Variants in PKD1L3 observed in about 807,000 individuals in gnomAD.
PKD1L3 encodes polycystin 1 like 3, transient receptor potential channel interacting.
In PKD1L3, 239 loss-of-function variants were observed where a neutral mutation model predicts 184.1. The observed-to-expected ratio is 1.30, with a 90% CI of 1.17 to 1.45. The LOEUF (loss-of-function observed/expected upper bound fraction) is 1.45. PKD1L3 is among the 40% of genes most tolerant of loss of function. The pLI is 0.00. For missense variants in PKD1L3, 2,660 were observed against 2,067.2 expected, an observed-to-expected ratio of 1.29 and a Z score of -5.56; for synonymous variants, 996 against 778.8, an observed-to-expected ratio of 1.28 and a Z score of -4.64.
rs2037883057 is a variant in PKD1L3 at position 71,930,137 on chromosome 16, CTG to C, written c.4971_4972del (p.Ser1658CysfsTer10). 1 of 1,551,468 alleles carries C rather than the reference CTG, an allele frequency of 6.4e-7. No homozygotes were observed. The highest frequency in any genetic ancestry group is 8.7e-7 in the Non-Finnish European group (1 of 1,146,900). ...TACCACAAGTACCATCAAGATGACA[CTG>C]GTGAGGATCAGAAAGGTGCCCAGGA... On this transcript the variant is annotated frameshift_variant, in exon 29 of 30. Coordinates refer to ENST00000620267, the MANE Select transcript of PKD1L3 (RefSeq NM_181536.2). LOFTEE classifies it high-confidence loss of function.
At chr16:71,988,599 AG>A (rs1049939407) in intron 4 of PKD1L3, among the ~76,000 whole-genome samples, 130 of 152,330 alleles carry the variant, frequency 8.5e-4, no homozygotes, top group African/African-American at 2.9e-3. Context: ...AAGACTGCAA[AG>A]TCCTATAGTC....
Position 71,978,542 on chromosome 16 carries a change from C to CTTT in PKD1L3, c.1399-162_1399-160dup, listed in dbSNP as rs11329882. ...ATATACATACATACATACATACATA[C>CTTT]TTTTTTTTTTTTTTTGAGAAAGAGT... On this transcript the variant is annotated intron_variant, in intron 9 of 29. Coordinates refer to ENST00000620267, the MANE Select transcript of PKD1L3 (RefSeq NM_181536.2). Among the ~76,000 whole-genome samples, 393 of 57,790 alleles carry CTTT rather than the reference C, an allele frequency of 6.8e-3. 4 individuals are homozygous for CTTT. Among genetic ancestry groups the CTTT allele is most frequent in the Middle Eastern group, 7.9e-3 (1 of 126 alleles). The allele number at this position is 57,790 out of a possible 152,430, so 37.9% of individuals were successfully genotyped here.
intron 11 of PKD1L3, among the ~76,000 whole-genome samples, chr16:71,974,639 G>A (rs903252142): frequency 6.6e-5 from 10 of 152,048 alleles, no homozygotes; most frequent in Admixed American, 2.0e-4. Flanking sequence ...AGTGGAGATC[G>A]CACCACTGCG....
chr16:71,967,232 C>G lies in PKD1L3; in HGVS notation c.2370G>C (p.Gly790=), dbSNP rs1194061486. 1 of 1,551,526 alleles carries G rather than the reference C, an allele frequency of 6.4e-7. No homozygotes were observed. Among genetic ancestry groups the G allele is most frequent in the Non-Finnish European group, 8.7e-7 (1 of 1,146,964 alleles). Reference sequence around the variant, plus strand: ...TGGTGAGAAGGAAGACATCCAGGCCCCCTCGTTCAAAGACTGTCTTCTGGG... The same window carrying G: ...TGGTGAGAAGGAAGACATCCAGGCCGCCTCGTTCAAAGACTGTCTTCTGGG... The part of the protein sequence containing the change: ...CDPQKTVFER[G]GLDVFLLTTW... The change falls in exon 15 of 30, where the codon GGG becomes GGC. Residue 790 remains glycine, a synonymous_variant. Transcript: ENST00000620267.
chr16:71,980,336 G>T lies in PKD1L3; in HGVS notation c.1144-202C>A, dbSNP rs189324599. On this transcript the variant is annotated intron_variant, in intron 7 of 29. Coordinates refer to ENST00000620267, the MANE Select transcript of PKD1L3 (RefSeq NM_181536.2). ...AGCATCCTTTGAACCAAACTAAGAG[G>T]GCTGGCCAAGGAAATATGCCTTTGC... 2.6e-3 allele frequency among the ~76,000 whole-genome samples: 393 copies of T among 152,184 alleles called. 2 individuals are homozygous for T. Among genetic ancestry groups the T allele is most frequent in the South Asian group, 8.9e-3 (43 of 4,816 alleles).
At chr16:71,948,968 T>A (rs1329445239) in intron 21 of PKD1L3, among the ~76,000 whole-genome samples, 1 of 152,036 alleles carries the variant, frequency 6.6e-6, no homozygotes, top group Admixed American at 6.6e-5. Context: ...ATTTTCCATA[T>A]CTAAAAGATA....
At chr16:71,939,058 G>A (rs546919695) in intron 24 of PKD1L3, among the ~76,000 whole-genome samples, 1 of 152,322 alleles carries the variant, frequency 6.6e-6, no homozygotes, top group East Asian at 1.9e-4. Flanking sequence ...CCCTCTTTGG[G>A]GCTCTGTGCT....
Position 71,963,358 on chromosome 16 carries a change from T to G in PKD1L3, c.2466-7A>C. On this transcript the variant is annotated splice_polypyrimidine_tract_variant and splice_region_variant and intron_variant, in intron 15 of 29. Transcript: ENST00000620267. Reference sequence around the variant, plus strand: ...AATTACCTGGCTGACATACCTATAGTAAAATGAAGATAACCACATTAGGGA... The same window carrying G: ...AATTACCTGGCTGACATACCTATAGGAAAATGAAGATAACCACATTAGGGA... 1.3e-6 allele frequency: 2 copies of G among 1,544,320 alleles called. No homozygotes were observed. Among genetic ancestry groups the G allele is most frequent in the Non-Finnish European group, 1.7e-6 (2 of 1,143,180 alleles).
chr16:71,964,347 T>C (rs1216379948), intron 15 of PKD1L3, among the ~76,000 whole-genome samples: 1 of 66,700 alleles, frequency 1.5e-5, no homozygotes, highest in Non-Finnish European at 2.9e-5. Flanking sequence ...TTTTTTTTTT[T>C]TTTTTTTTTG....
intron 22 of PKD1L3, 96 bp from the exon 23 acceptor site, chr16:71,944,266 A>C: frequency 8.5e-7 from 1 of 1,170,846 alleles, no homozygotes. Context: ...CCTCCTTTTA[A>C]ATGTTAAACA....
At chr16:71,996,396 G>T (rs1215262383) in intron 2 of PKD1L3, among the ~76,000 whole-genome samples, 1 of 151,702 alleles carries the variant, frequency 6.6e-6, no homozygotes, top group African/African-American at 2.4e-5. Flanking sequence ...GAGTACCTGG[G>T]ACTACAGGTG....
chr16:71,984,679 C>A (rs1298865488), intron 5 of PKD1L3, among the ~76,000 whole-genome samples: 4 of 152,116 alleles, frequency 2.6e-5, no homozygotes, highest in South Asian at 2.1e-4. Flanking sequence ...GCCTACATAG[C>A]AAAACCCTGT....
At chr16:71,973,854 T>G (rs1597346755) in intron 11 of PKD1L3, among the ~76,000 whole-genome samples, 2 of 151,802 alleles carry the variant, frequency 1.3e-5, no homozygotes. Context: ...ATACAAAAAT[T>G]AGTGGGGTGT....
chr16:71,943,354 T>C (rs900285984), intron 23 of PKD1L3, among the ~76,000 whole-genome samples: 4 of 151,572 alleles, frequency 2.6e-5, no homozygotes, highest in African/African-American at 9.7e-5. Flanking sequence ...CTGACCAACA[T>C]AGTAAAACCC....
chr16:71,986,276 T>A lies in PKD1L3; in HGVS notation c.779A>T (p.His260Leu). 6.4e-7 allele frequency: 1 copy of A among 1,552,286 alleles called. No homozygotes were observed. Among genetic ancestry groups the A allele is most frequent in the Middle Eastern group, 1.7e-4 (1 of 5,998 alleles). Residue 260 changes from histidine to leucine, a missense_variant, in exon 5 of 30, where the codon CAT becomes CTT. Transcript: ENST00000620267. ...TAGATAAGAGGTGAAGGTATTCGGA[T>A]GACCTTCTTCCTTTGGGCTTGAAGT... ...ETTSSPKEEG[H>L]PNTFTSYLQV...
At chr16:71,962,290 A>G (rs1403347387) in intron 16 of PKD1L3, among the ~76,000 whole-genome samples, 9 of 152,194 alleles carry the variant, frequency 5.9e-5, no homozygotes, top group Admixed American at 5.9e-4. Flanking sequence ...GAGCCGTAAT[A>G]TTGAACCAGA....
intron 2 of PKD1L3, among the ~76,000 whole-genome samples, chr16:71,994,777 T>C (rs549979621): frequency 6.6e-6 from 1 of 152,064 alleles, no homozygotes. Context: ...GGAGACTGTA[T>C]CACCTGAGGT....
At position 71,983,943 on chromosome 16, in the gene PKD1L3, G is replaced by A. The variant is rs542483667; in HGVS notation, c.966+93C>T. ...CTTCTAAAGTGCTGGGATTACAGGC[G>A]TGAGCCACCGCACCCAGCCTCAGAT... On this transcript the variant is annotated intron_variant, in intron 6 of 29. Transcript: ENST00000620267. 439 of 1,471,504 alleles carry A rather than the reference G, an allele frequency of 3.0e-4. 4 individuals are homozygous for A. Among genetic ancestry groups the A allele is most frequent in the Middle Eastern group, 2.0e-4 (1 of 5,064 alleles). The allele number at this position is 1,471,504 out of a possible 1,614,324, so 91.2% of individuals were successfully genotyped here.
chr16:71,979,860 G>T lies in PKD1L3; in HGVS notation c.1324C>A (p.Pro442Thr), dbSNP rs1027508732. 4 of 1,535,264 alleles carry T rather than the reference G, an allele frequency of 2.6e-6. No homozygotes were observed. The highest frequency in any genetic ancestry group is 2.2e-5 in the Admixed American group (1 of 44,600). ...LSSYTLGHPA[P>T]VRLGFPSALA... ...GCCGACGGAAAGCCTAGCCTCACAG[G>T]GGCTGGGTGACCCAGAGTGTAAGAG... The change falls in exon 9 of 30, where the codon CCT becomes ACT. Residue 442 changes from proline to threonine, a missense_variant. Coordinates refer to ENST00000620267, the MANE Select transcript of PKD1L3 (RefSeq NM_181536.2).
Sources: gnomAD v4.1 joint callset for allele counts (sites outside exome capture counted in the v4.1 genomes callset) on GRCh38, gnomAD v4.1.1 for gene constraint, MANE v1.5 for transcripts, NCBI Gene and HGNC (gene_info 2026-07-23, HGNC 2026-07-21) for gene names.